The following DZIP1 variants were observed in gnomAD, a reference collection of about 807,000 sequenced individuals.
DZIP1 encodes DAZ interacting zinc finger protein 1.
A neutral mutation model predicts 107.6 loss-of-function variants in DZIP1; 97 were observed. The observed-to-expected ratio is 0.90, with a 90% CI of 0.77 to 1.07. The LOEUF (loss-of-function observed/expected upper bound fraction) is 1.07, where lower values mean the gene tolerates loss of function less well. Among genes scored for constraint, DZIP1 ranks in the 50% least tolerant of loss-of-function variants. DZIP1 has a pLI of 0.00. For missense variants in DZIP1, 1,035 were observed against 1,063.6 expected (o/e 0.97, Z 0.37); for synonymous variants, 390 against 386.4 (o/e 1.01, Z -0.11).
chr13:95,640,915 A>G (rs1878413309), intron 5 of DZIP1, among the ~76,000 whole-genome samples: 1 of 152,228 alleles, frequency 6.6e-6, no homozygotes, highest in Non-Finnish European at 1.5e-5. Flanking sequence ...TTCAAAATTT[A>G]TAAAAATGAG....
chr13:95,621,665 AGTGTGTGTGT>A (rs3051402), intron 9 of DZIP1, among the ~76,000 whole-genome samples: 6,900 of 123,346 alleles, frequency 0.056, 424 homozygotes, highest in African/African-American at 0.16. Context: ...ACCAGTTAGC[AGTGTGTGTGT>A]GTGTGTGTGT....
At chr13:95,596,058 C>A (rs565179599) in intron 15 of DZIP1, among the ~76,000 whole-genome samples, 1 of 152,038 alleles carries the variant, frequency 6.6e-6, no homozygotes, top group South Asian at 2.1e-4. Flanking sequence ...TTTGGGAAAC[C>A]ATTTATGAAT....
At chr13:95,643,437 C>T (rs1275757172) in intron 2 of DZIP1, among the ~76,000 whole-genome samples, 164 bp downstream of exon 2, 1 of 152,066 alleles carries the variant, frequency 6.6e-6, no homozygotes, top group Non-Finnish European at 1.5e-5. Context: ...ACCATATGTC[C>T]AAGTTAATTG....
intron 7 of DZIP1, among the ~76,000 whole-genome samples, chr13:95,629,754 T>G (rs187791075): frequency 5.1e-4 from 77 of 152,304 alleles, no homozygotes; most frequent in Admixed American, 7.8e-4. Flanking sequence ...GAAAGTTAAT[T>G]GTGTGTTATA....
intron 5 of DZIP1, among the ~76,000 whole-genome samples, chr13:95,634,975 G>A (rs1354797375): frequency 6.6e-6 from 1 of 152,046 alleles, no homozygotes; most frequent in Non-Finnish European, 1.5e-5. Context: ...CACTCTTTTA[G>A]TCTATAGGTT....
chr13:95,594,048 G>T lies in DZIP1; in HGVS notation c.1576C>A (p.His526Asn). ...TTACTCTTCAAAGCTTTCCTTAAATGCATTTTGTTGTTATTTAATTTCTGT... is the reference window on the plus strand; with the variant it reads ...TTACTCTTCAAAGCTTTCCTTAAATTCATTTTGTTGTTATTTAATTTCTGT... ...NEQKLNNNKM[H>N]LRKALKSNSS... Residue 526 changes from histidine to asparagine, a missense_variant, in exon 16 of 23, where the codon CAT (histidine) becomes AAT (asparagine). By Grantham distance (68) the His-to-Asn change is moderately conservative (BLOSUM62 1). Transcript: ENST00000376829. The T allele has an allele frequency of 6.2e-7, 1 of 1,607,264 alleles. No homozygotes were observed. Among genetic ancestry groups the T allele is most frequent in the Non-Finnish European group, 8.5e-7 (1 of 1,176,782 alleles).
intron 14 of DZIP1, among the ~76,000 whole-genome samples, chr13:95,600,571 A>G (rs2138963908): frequency 7.2e-6 from 1 of 139,750 alleles, no homozygotes. Flanking sequence ...GAGAGAGATG[A>G]TAGAGATAGA....
At chr13:95,607,135 C>T (rs1457451832) in intron 13 of DZIP1, among the ~76,000 whole-genome samples, 1 of 152,132 alleles carries the variant, frequency 6.6e-6, no homozygotes, top group Non-Finnish European at 1.5e-5. Flanking sequence ...CAACCTTTGC[C>T]TCCTGGGCTC....
At chr13:95,614,784 G>T (rs1874832099) in intron 10 of DZIP1, among the ~76,000 whole-genome samples, 1 of 152,028 alleles carries the variant, frequency 6.6e-6, no homozygotes, top group African/African-American at 2.4e-5. Flanking sequence ...GGTAAAAAGG[G>T]CATGCCATCG....
rs151295787 is a variant in DZIP1, at chr13:95,587,992, C to T, written c.2028-263G>A. The T allele has an allele frequency of 6.5e-3, 2,450 of 375,702 alleles. 20 individuals are homozygous for T. Among genetic ancestry groups the T allele is most frequent in the Middle Eastern group, 0.016 (22 of 1,376 alleles). The allele number at this position is 375,702 out of a possible 1,614,324, so 23.3% of individuals were successfully genotyped here. A position where few individuals can be genotyped will look rare whatever the true frequency, so the allele number is the denominator to read the frequency against. ...AAGCCGGGGCCTGTCTCCTCTAAAC[C>T]CAAATGTGTATATATTCTTAATAAT... is the stretch of plus-strand genomic sequence containing the variant. On this transcript the variant is annotated intron_variant, in intron 19 of 22. Coordinates refer to ENST00000376829, the MANE Select transcript of DZIP1 (RefSeq NM_198968.4).
intron 9 of DZIP1, 69 bp from the exon 10 acceptor site, chr13:95,620,016 C>T (rs78846207): frequency 1.3e-6 from 2 of 1,533,636 alleles, no homozygotes; most frequent in Admixed American, 1.8e-5. Flanking sequence ...TGGGAGCTTC[C>T]TTTTTAGTGA....
At chr13:95,610,094 GTGTGTGTGTGTGTGTGTGAGAGAGAGAC>G (rs1182820027) in intron 12 of DZIP1, among the ~76,000 whole-genome samples, 1 of 140,452 alleles carries the variant, frequency 7.1e-6, no homozygotes, top group African/African-American at 2.7e-5. Context: ...GTGTGTGTGT[GTGTGTGTGTGTGTGTGTGAGAGAGAGAC>G]AGAGAGAGAG....
Position 95,589,997 on chromosome 13 carries a change from A to G in DZIP1, c.1844-65T>C, listed in dbSNP as rs1254693401. The stretch of plus-strand genomic sequence containing the variant: ...TGATCAGTAAGTGAAAAGCAAAGGT[A>G]AACGGTATAATACCCCCTATGCTGC... On this transcript the variant is annotated intron_variant, in intron 17 of 22. Coordinates refer to ENST00000376829, the MANE Select transcript of DZIP1 (RefSeq NM_198968.4). 3 of 1,571,428 alleles carry G rather than the reference A, an allele frequency of 1.9e-6. No homozygotes were observed. In the Admixed American group the frequency reaches 5.4e-5, roughly 28 times the overall value.
intron 7 of DZIP1, among the ~76,000 whole-genome samples, chr13:95,625,692 G>A (rs1434397547): frequency 6.6e-6 from 1 of 152,044 alleles, no homozygotes; most frequent in Non-Finnish European, 1.5e-5. Context: ...ACAACCAATG[G>A]GTTAAGGAAA....
At position 95,584,622 on chromosome 13, in the gene DZIP1, G is replaced by A. The variant is rs998558410; in HGVS notation, c.2524+114C>T. 1.3e-5 allele frequency: 19 copies of A among 1,469,290 alleles called. No individual in the cohort carries two copies. In the Admixed American group the frequency reaches 4.5e-4, roughly 35 times the overall value. The allele number at this position is 1,469,290 out of a possible 1,614,324, so 91.0% of individuals were successfully genotyped here. On this transcript the variant is annotated intron_variant, in intron 22 of 22. Coordinates refer to ENST00000376829, the MANE Select transcript of DZIP1 (RefSeq NM_198968.4). ...ATTTAAATAACATAAAGAAAGCACTGACAGCTTTTTTGTCTGATGATATAC... is the reference window on the plus strand; with the variant it reads ...ATTTAAATAACATAAAGAAAGCACTAACAGCTTTTTTGTCTGATGATATAC...
At chr13:95,627,037 G>A (rs1008804040) in intron 7 of DZIP1, among the ~76,000 whole-genome samples, 2 of 152,146 alleles carry the variant, frequency 1.3e-5, no homozygotes, top group Admixed American at 6.5e-5. Flanking sequence ...ACTGTAAGAG[G>A]CCACAAATAA....
chr13:95,612,299 G>A, intron 10 of DZIP1, 122 bp from the exon 11 acceptor site: 1 of 1,107,300 alleles, frequency 9.0e-7, no homozygotes, highest in Admixed American at 2.6e-5. Context: ...TGCGCATCAA[G>A]TCGTTGAATA....
intron 10 of DZIP1, among the ~76,000 whole-genome samples, chr13:95,617,486 C>G (rs1875261321): frequency 6.6e-6 from 1 of 152,090 alleles, no homozygotes; most frequent in South Asian, 2.1e-4. Context: ...AAGAGAAATA[C>G]ATGCCATCTT....
chr13:95,633,260 C>T lies in DZIP1; in HGVS notation c.659G>A (p.Arg220His), dbSNP rs201109671. 28 of 1,614,102 alleles carry T rather than the reference C, an allele frequency of 1.7e-5. No homozygotes were observed. The highest frequency in any genetic ancestry group is 1.7e-5 in the Non-Finnish European group (20 of 1,179,992). ...AAAATGAGAATTTTCTTCAGTGTGGCGGCGTTGAATGTGACTTTGTAGAAA... is the reference window on the plus strand; with the variant it reads ...AAAATGAGAATTTTCTTCAGTGTGGTGGCGTTGAATGTGACTTTGTAGAAA... ...QAFLQSHIQR[R>H]HTEENSHFEY... The change falls in exon 6 of 23, where the codon CGC becomes CAC. Residue 220 changes from arginine (R) to histidine (H), a missense_variant. Transcript: ENST00000376829.
Sources: allele counts gnomAD v4.1 joint callset (sites outside exome capture counted in the v4.1 genomes callset), GRCh38; gene constraint gnomAD v4.1.1; transcripts MANE v1.5; gene names NCBI Gene and HGNC (gene_info 2026-07-23, HGNC 2026-07-21).